The following C15orf40 variants were observed in gnomAD, a reference collection of about 807,000 sequenced individuals.
The protein encoded by C15orf40 is UPF0235 protein C15orf40.
Under a neutral mutation model 13.9 loss-of-function variants are expected in C15orf40, and 9 were observed. The observed-to-expected ratio is 0.65, with a 90% CI of 0.39 to 1.13. The LOEUF is 1.13. Ranked by LOEUF, C15orf40 falls within the 50% of genes most tolerant of loss-of-function variation. The pLI, the probability that C15orf40 is intolerant of heterozygous loss-of-function variation, is 0.01. For synonymous variants in C15orf40, 95 were observed against 69.2 expected, an observed-to-expected ratio of 1.37 and a Z score of -1.85; for missense variants, 225 against 188.5, an observed-to-expected ratio of 1.19 and a Z score of -1.13.
intron 1 of C15orf40, 116 bp from the exon 2 acceptor site, chr15:83,010,479 T>G: frequency 1.6e-6 from 2 of 1,223,044 alleles, no homozygotes; most frequent in Non-Finnish European, 2.3e-6. Flanking sequence ...ATCAGTGGTG[T>G]CCAGGGACTT....
chr15:82,993,218 A>C (rs144970544), downstream of C15orf40, among the ~76,000 whole-genome samples: 39 of 152,326 alleles, frequency 2.6e-4, no homozygotes, highest in African/African-American at 9.4e-4. Context: ...TCAAAGGAAG[A>C]ACTTGAGAAT....
rs1483486177 is a variant in C15orf40, at chr15:83,008,676, C to T, written c.239-1G>A. 8 of 1,600,978 alleles carry T rather than the reference C, an allele frequency of 5.0e-6. No individual in the cohort carries two copies. Among genetic ancestry groups the T allele is most frequent in the Non-Finnish European group, 6.8e-6 (8 of 1,175,348 alleles). On this transcript the variant is annotated splice_acceptor_variant, in intron 2 of 3. Coordinates refer to ENST00000304177, the MANE Select transcript of C15orf40 (RefSeq NM_144597.3). LOFTEE classifies it high-confidence loss of function. Reference sequence around the variant, plus strand: ...ACATTTACAGCCTCTGCTGTCAAATCTGGAATGAAAATAGTGTGGACTTTA... The same window carrying T: ...ACATTTACAGCCTCTGCTGTCAAATTTGGAATGAAAATAGTGTGGACTTTA...
At chr15:82,991,731 C>T (rs557108823), downstream of C15orf40, among the ~76,000 whole-genome samples, 12 of 152,264 alleles carry the variant, frequency 7.9e-5, no homozygotes, top group Admixed American at 3.3e-4. Flanking sequence ...CCTAATAAGT[C>T]GGGCAGTCAC....
Position 83,004,578 on chromosome 15 carries a change from T to C in C15orf40, c.*1019A>G, listed in dbSNP as rs1485368036. 9 of 889,792 alleles carry C rather than the reference T, an allele frequency of 1.0e-5. No individual in the cohort carries two copies. The highest frequency in any genetic ancestry group is 5.1e-5 in the South Asian group (1 of 19,496). 55.1% of individuals were successfully genotyped at this position (889,792 alleles called of 1,614,324 possible). A position where few individuals can be genotyped will look rare whatever the true frequency, so the allele number is the denominator to read the frequency against. ...TCTTTTAAGGATCTTTGGAGATTCA[T>C]AAAAACTACTGAATTTGCTGATTAT... On this transcript the variant is annotated 3_prime_UTR_variant, in exon 4 of 4. Coordinates refer to ENST00000304177, the MANE Select transcript of C15orf40 (RefSeq NM_144597.3).
chr15:82,998,700 C>T lies in C15orf40; in HGVS notation c.*6897G>A, dbSNP rs1704488469. The stretch of plus-strand genomic sequence containing the variant: ...TCACTTTCCAGACTGGGCAGCCAGG[C>T]AGAGGGGCTCCTCACATCCCAGACG... On this transcript the variant is annotated 3_prime_UTR_variant, in exon 4 of 4. Coordinates refer to ENST00000304177, the MANE Select transcript of C15orf40 (RefSeq NM_144597.3). 2.7e-5 allele frequency: 1 copy of T among 37,702 alleles called. No individual in the cohort carries two copies. The highest frequency in any genetic ancestry group is 5.2e-5 in the Non-Finnish European group (1 of 19,348). The allele number at this position is 37,702 out of a possible 1,614,324, so 2.3% of individuals were successfully genotyped here.
In C15orf40 at chr15:82,996,841, A is replaced by G. The variant is rs980366551; in HGVS notation, c.*8756T>C. The G allele has an allele frequency of 2.0e-5, 3 of 151,042 alleles. No individual in the cohort carries two copies. Among genetic ancestry groups the G allele is most frequent in the Non-Finnish European group, 4.4e-5 (3 of 67,776 alleles). The allele number at this position is 151,042 out of a possible 1,614,324, so 9.4% of individuals were successfully genotyped here. A position where few individuals can be genotyped will look rare whatever the true frequency, so the allele number is the denominator to read the frequency against. On this transcript the variant is annotated 3_prime_UTR_variant, in exon 4 of 4. Transcript: ENST00000304177. ...GCCAACATGGTGAAACCCCGTCTCT[A>G]CTAAAAATACAACAACAAGAAAAAA...
Position 83,006,450 on chromosome 15 carries a change from C to A in C15orf40, c.367-758G>T, listed in dbSNP as rs1267441721. ...ATATCCAAGTGCCACGATTTCACAA[C>A]CACTTAAAACTTTAAAAAGGATTTG... On this transcript the variant is annotated intron_variant, in intron 3 of 3. Transcript: ENST00000304177. 6 of 985,180 alleles carry A rather than the reference C, an allele frequency of 6.1e-6. 1 individual carries two copies. 61.0% of individuals were successfully genotyped at this position (985,180 alleles called of 1,614,324 possible). A position where few individuals can be genotyped will look rare whatever the true frequency, so the allele number is the denominator to read the frequency against.
rs1416514630 is a variant in C15orf40, at chr15:82,999,354, A to C, written c.*6243T>G. 3 of 151,830 alleles carry C rather than the reference A, an allele frequency of 2.0e-5. No individual in the cohort carries two copies. The highest frequency in any genetic ancestry group is 7.3e-5 in the African/African-American group (3 of 41,270). 9.4% of individuals were successfully genotyped at this position (151,830 alleles called of 1,614,324 possible). ...ACTACAGGCACACACCACCATGCCT[A>C]GTTAATTTTTTTAATTTTTTTTGGA... On this transcript the variant is annotated 3_prime_UTR_variant, in exon 4 of 4. Transcript: ENST00000304177.
chr15:83,005,548 T>G lies in C15orf40; in HGVS notation c.*49A>C. 6.6e-7 allele frequency: 1 copy of G among 1,515,970 alleles called. No individual in the cohort carries two copies. Among genetic ancestry groups the G allele is most frequent in the Non-Finnish European group, 8.9e-7 (1 of 1,120,764 alleles). 93.9% of individuals were successfully genotyped at this position (1,515,970 alleles called of 1,614,324 possible). A position where few individuals can be genotyped will look rare whatever the true frequency, so the allele number is the denominator to read the frequency against. On this transcript the variant is annotated 3_prime_UTR_variant, in exon 4 of 4. Coordinates refer to ENST00000304177, the MANE Select transcript of C15orf40 (RefSeq NM_144597.3). Reference sequence around the variant, plus strand: ...ATCCGCCCACCACGGCCTCCCAAAGTGCTGGGATTACAGGCATGAGCCACT... The same window carrying G: ...ATCCGCCCACCACGGCCTCCCAAAGGGCTGGGATTACAGGCATGAGCCACT...
At chr15:83,008,810 A>G (rs1747542466) in intron 2 of C15orf40, 135 bp from the exon 3 acceptor site, 1 of 974,608 alleles carries the variant, frequency 1.0e-6, no homozygotes, top group Admixed American at 2.8e-5. Flanking sequence ...GAAGAAATGA[A>G]TGATTAAACT....
At position 83,004,929 on chromosome 15, in the gene C15orf40, G is replaced by A; in HGVS notation, c.*668C>T. On this transcript the variant is annotated 3_prime_UTR_variant, in exon 4 of 4. Transcript: ENST00000304177. ...AAGTAGTCCAAGGATTTGGGTTCTA[G>A]TTGCCAGCTTGCATGGTACAATCTT... 7.7e-7 allele frequency: 1 copy of A among 1,301,534 alleles called. No individual in the cohort carries two copies. Among genetic ancestry groups the A allele is most frequent in the Non-Finnish European group, 1.0e-6 (1 of 985,674 alleles). 80.6% of individuals were successfully genotyped at this position (1,301,534 alleles called of 1,614,324 possible). A position where few individuals can be genotyped will look rare whatever the true frequency, so the allele number is the denominator to read the frequency against.
chr15:83,000,423 A>C lies in C15orf40; in HGVS notation c.*5174T>G, dbSNP rs996695053. The stretch of plus-strand genomic sequence containing the variant: ...CGAACCCAGCTGGCCCCAAGTTAAC[A>C]ACACTCCGACCTGAGCTAAATTTAA... On this transcript the variant is annotated 3_prime_UTR_variant, in exon 4 of 4. Coordinates refer to ENST00000304177, the MANE Select transcript of C15orf40 (RefSeq NM_144597.3). The C allele has an allele frequency of 2.0e-5, 3 of 152,274 alleles. No homozygotes were observed. The highest frequency in any genetic ancestry group is 7.2e-5 in the African/African-American group (3 of 41,436). 9.4% of individuals were successfully genotyped at this position (152,274 alleles called of 1,614,324 possible).
At chr15:82,992,003 G>T (rs1409483146), downstream of C15orf40, 3 of 1,018,664 alleles carry the variant, frequency 2.9e-6, no homozygotes, top group South Asian at 1.3e-5. Flanking sequence ...ATCACTTGAA[G>T]CCAGGAGTTC....
At position 82,999,476 on chromosome 15, in the gene C15orf40, G is replaced by A. The variant is rs917109986; in HGVS notation, c.*6121C>T. ...TTCCCAAAGTGCTGGGATTACAAGC[G>A]TGAGCCAACATGGCCAGCCTTACCT... On this transcript the variant is annotated 3_prime_UTR_variant, in exon 4 of 4. Transcript: ENST00000304177. 2 of 152,122 alleles carry A rather than the reference G, an allele frequency of 1.3e-5. No individual in the cohort carries two copies. The highest frequency in any genetic ancestry group is 2.4e-5 in the African/African-American group (1 of 41,400). The allele number at this position is 152,122 out of a possible 1,614,324, so 9.4% of individuals were successfully genotyped here. A position where few individuals can be genotyped will look rare whatever the true frequency, so the allele number is the denominator to read the frequency against.
chr15:83,000,953 C>G lies in C15orf40; in HGVS notation c.*4644G>C, dbSNP rs991354383. 7 of 232,762 alleles carry G rather than the reference C, an allele frequency of 3.0e-5. No individual in the cohort carries two copies. The highest frequency in any genetic ancestry group is 6.5e-5 in the Admixed American group (1 of 15,368). 14.4% of individuals were successfully genotyped at this position (232,762 alleles called of 1,614,324 possible). On this transcript the variant is annotated 3_prime_UTR_variant, in exon 4 of 4. Coordinates refer to ENST00000304177, the MANE Select transcript of C15orf40 (RefSeq NM_144597.3). The stretch of plus-strand genomic sequence containing the variant: ...TCAGCCTCCCAAGTAGCTGGGACTA[C>G]AGGCATGCATTGCCATGCCCAGCGA...
At chr15:83,010,532 C>G in intron 1 of C15orf40, 169 bp from the exon 2 acceptor site, 1 of 687,924 alleles carries the variant, frequency 1.5e-6, no homozygotes, top group Non-Finnish European at 2.4e-6. Flanking sequence ...CAAGGCTCTA[C>G]TCAATTTTCC....
rs2151278011 is a variant in C15orf40 at position 82,998,215 on chromosome 15, G to A, written c.*7382C>T. 1 of 151,610 alleles carries A rather than the reference G, an allele frequency of 6.6e-6. No individual in the cohort carries two copies. Among genetic ancestry groups the A allele is most frequent in the Admixed American group, 6.6e-5 (1 of 15,080 alleles). The allele number at this position is 151,610 out of a possible 1,614,324, so 9.4% of individuals were successfully genotyped here. On this transcript the variant is annotated 3_prime_UTR_variant, in exon 4 of 4. Transcript: ENST00000304177. ...CGGACGGCACGGCTGGCCAGGCGGG[G>A]GGCTGACCCCCCCACCTCCCTCCCG...
chr15:82,994,856 G>T lies in C15orf40; in HGVS notation c.*10741C>A, dbSNP rs2030988338. The T allele has an allele frequency of 6.6e-6, 1 of 152,140 alleles. No individual in the cohort carries two copies. The highest frequency in any genetic ancestry group is 2.4e-5 in the African/African-American group (1 of 41,448). 9.4% of individuals were successfully genotyped at this position (152,140 alleles called of 1,614,324 possible). ...TTCTGTTTATTTATGAACACAGAAAGATATGCTTTTAAAACTCTCAAATTT... is the reference window on the plus strand; with the variant it reads ...TTCTGTTTATTTATGAACACAGAAATATATGCTTTTAAAACTCTCAAATTT... On this transcript the variant is annotated 3_prime_UTR_variant, in exon 4 of 4. Coordinates refer to ENST00000304177, the MANE Select transcript of C15orf40 (RefSeq NM_144597.3).
downstream of C15orf40, chr15:82,990,601 T>C (rs968575425): frequency 1.1e-5 from 16 of 1,413,764 alleles, no homozygotes; most frequent in South Asian, 3.7e-5. Flanking sequence ...CCTTAATCTA[T>C]AGATGAGTCA....
Sources: allele counts gnomAD v4.1 joint callset (sites outside exome capture counted in the v4.1 genomes callset), GRCh38; gene constraint gnomAD v4.1.1; transcripts MANE v1.5; gene names NCBI Gene and HGNC (gene_info 2026-07-23, HGNC 2026-07-21).